The following MGAT5B variants were observed in gnomAD, a reference collection of about 807,000 sequenced individuals.
MGAT5B encodes the protein alpha-1,6-mannosylglycoprotein 6-beta-N-acetylglucosaminyltransferase B.
A neutral mutation model predicts 95.1 loss-of-function variants in MGAT5B; 54 were observed. The ratio of observed to expected loss-of-function variants is 0.57; its 90% CI spans 0.46 to 0.71. The LOEUF (loss-of-function observed/expected upper bound fraction) is 0.71, where lower values mean the gene tolerates loss of function less well. MGAT5B is among the 30% of genes least tolerant of loss of function. The pLI, the probability that MGAT5B is intolerant of heterozygous loss-of-function variation, is 0.00. For synonymous variants in MGAT5B, 464 were observed against 451.0 expected, an observed-to-expected ratio of 1.03 and a Z score of -0.36; for missense variants, 935 against 1,088.6, an observed-to-expected ratio of 0.86 and a Z score of 1.99.
chr17:76,916,015 G>A lies in MGAT5B; in HGVS notation c.1026-8951G>A, dbSNP rs975627190. Among the ~76,000 whole-genome samples, 60 of 152,226 alleles carry A rather than the reference G, an allele frequency of 3.9e-4. No homozygotes were observed. Among genetic ancestry groups the A allele is most frequent in the East Asian group, 9.6e-4 (5 of 5,184 alleles). ...AGGGGACAGAGAGGGAGCAGGCGCC[G>A]GCATGCCGAGTGTGGCGGGGTCACG... On this transcript the variant is annotated intron_variant, in intron 8 of 17. Transcript: ENST00000569840. This position sits in a 1 kb window ranked among gnomAD's most constrained non-coding sequence, Gnocchi z 5.3.
intron 8 of MGAT5B, among the ~76,000 whole-genome samples, chr17:76,909,258 C>T (rs560097135): frequency 2.6e-5 from 4 of 152,324 alleles, no homozygotes; most frequent in East Asian, 3.9e-4. Flanking sequence ...GCCATGTGCC[C>T]GGCCTACTCT....
intron 10 of MGAT5B, among the ~76,000 whole-genome samples, chr17:76,932,135 T>TTCTCC (rs372316491): frequency 3.6e-5 from 5 of 137,064 alleles, no homozygotes; most frequent in Non-Finnish European, 7.8e-5. Flanking sequence ...CTTCTCCTTC[T>TTCTCC]TTCTTCTTCT....
chr17:76,897,663 T>TTCTTTCTC (rs1968115857), intron 3 of MGAT5B, among the ~76,000 whole-genome samples: 1 of 48,184 alleles, frequency 2.1e-5, no homozygotes, highest in Non-Finnish European at 3.4e-5. Context: ...TAAGGCCACT[T>TTCTTTCTC]TCTTTCTTTC....
chr17:76,892,744 C>T (rs1020729303), intron 3 of MGAT5B, among the ~76,000 whole-genome samples: 9 of 152,244 alleles, frequency 5.9e-5, no homozygotes, highest in East Asian at 1.9e-4. Context: ...CTCCCAGCAA[C>T]GATATGGGAC....
At chr17:76,909,015 C>T (rs12449846) in intron 8 of MGAT5B, among the ~76,000 whole-genome samples, 27,369 of 151,974 alleles carry the variant, frequency 0.18, 2,815 homozygotes, top group East Asian at 0.51. Flanking sequence ...CCATATTGGT[C>T]ATGCTGGTCT....
chr17:76,888,752 G>A (rs1001687245), intron 3 of MGAT5B, among the ~76,000 whole-genome samples: 1 of 152,170 alleles, frequency 6.6e-6, no homozygotes, highest in Admixed American at 6.5e-5. Context: ...TGGGGCCTGC[G>A]AGGAAGTAGT....
At chr17:76,880,011 G>A (rs1397532246) in intron 2 of MGAT5B, among the ~76,000 whole-genome samples, 4 of 152,106 alleles carry the variant, frequency 2.6e-5, no homozygotes, top group African/African-American at 4.8e-5. Flanking sequence ...GAAATTTCCC[G>A]GTCCCAGCTG....
chr17:76,903,209 C>T (rs902362988), intron 4 of MGAT5B, 94 bp from the exon 5 acceptor site: 11 of 927,606 alleles, frequency 1.2e-5, no homozygotes, highest in African/African-American at 8.5e-5. Context: ...AGCCTGGCAG[C>T]GGATTGTGTG....
intron 17 of MGAT5B, 88 bp downstream of exon 17, chr17:76,948,174 C>T: frequency 6.7e-7 from 1 of 1,485,200 alleles, no homozygotes; most frequent in East Asian, 2.3e-5. Context: ...AGAACCGGCC[C>T]TCAGCCCTGC....
Position 76,930,703 on chromosome 17 carries a change from G to A in MGAT5B, c.1292-1942G>A, listed in dbSNP as rs1267997664. 1.3e-5 allele frequency among the ~76,000 whole-genome samples: 2 copies of A among 152,350 alleles called. No homozygotes were observed. The highest frequency in any genetic ancestry group is 1.9e-4 in the East Asian group (1 of 5,182). ...ATCAAACATGTTCCCTGGCCTTGGT[G>A]TGTAGGAGGGTGTGTGTCCTTATGG... On this transcript the variant is annotated intron_variant, in intron 10 of 17. Coordinates refer to ENST00000569840, the MANE Select transcript of MGAT5B (RefSeq NM_001199172.2). The surrounding 1 kb of genome is among the most constrained non-coding windows in gnomAD (Gnocchi z 4.1).
In MGAT5B at chr17:76,904,320, C is replaced by T. The variant is rs2145190892; in HGVS notation, c.588C>T (p.Ser196=). 14 of 1,609,054 alleles carry T rather than the reference C, an allele frequency of 8.7e-6. No individual in the cohort carries two copies. Among genetic ancestry groups the T allele is most frequent in the Non-Finnish European group, 1.2e-5 (14 of 1,178,070 alleles). Residue 196 remains serine (S), a synonymous_variant, in exon 6 of 18, where the codon TCC becomes TCT. Transcript: ENST00000569840. Reference sequence around the variant, plus strand: ...TTGGGGTGGACGGCACCGAGTGCTCCTTCCTCATCTACCTCAGTGAGGTCG... The same window carrying T: ...TTGGGGTGGACGGCACCGAGTGCTCTTTCCTCATCTACCTCAGTGAGGTCG... ...AFFGVDGTEC[S]FLIYLSEVEW...
Position 76,946,651 on chromosome 17 carries a change from A to G in MGAT5B, c.1923+201A>G, listed in dbSNP as rs1006485717. The stretch of plus-strand genomic sequence containing the variant: ...TGACTGCGGGCCTGGAAAGCAGCAC[A>G]CTCCGGGCACTCCTGCTGTCTGGGC... On this transcript the variant is annotated intron_variant, in intron 16 of 17. Coordinates refer to ENST00000569840, the MANE Select transcript of MGAT5B (RefSeq NM_001199172.2). Among the ~76,000 whole-genome samples, 5 of 152,270 alleles carry G rather than the reference A, an allele frequency of 3.3e-5. No homozygotes were observed. In the East Asian group the frequency reaches 9.7e-4, roughly 29 times the overall value.
intron 3 of MGAT5B, among the ~76,000 whole-genome samples, chr17:76,902,339 C>T (rs1030224022): frequency 2.6e-5 from 4 of 152,176 alleles, no homozygotes; most frequent in African/African-American, 9.7e-5. Context: ...TGGGCTTTCC[C>T]GTATGTCTGT....
At chr17:76,902,911 C>T (rs1399408045) in intron 4 of MGAT5B, among the ~76,000 whole-genome samples, 1 of 152,184 alleles carries the variant, frequency 6.6e-6, no homozygotes, top group Non-Finnish European at 1.5e-5. Flanking sequence ...CTGGGGTCCA[C>T]AGTTCCAGGA....
intron 3 of MGAT5B, among the ~76,000 whole-genome samples, chr17:76,892,776 C>G (rs1180112669): frequency 6.6e-6 from 1 of 152,194 alleles, no homozygotes; most frequent in Non-Finnish European, 1.5e-5. Context: ...GTGTTGCCAG[C>G]CTTGGTGCCC....
At chr17:76,933,225 T>C in intron 11 of MGAT5B, 67 bp from the exon 12 acceptor site, 1 of 1,595,220 alleles carries the variant, frequency 6.3e-7, no homozygotes. Context: ...TGGGGTGTTG[T>C]CTGCGAATCA....
Position 76,868,938 on chromosome 17 carries a change from C to G in MGAT5B, c.-92C>G. 7.6e-7 allele frequency: 1 copy of G among 1,307,518 alleles called. No homozygotes were observed. Among genetic ancestry groups the G allele is most frequent in the Admixed American group, 1.8e-5 (1 of 54,876 alleles). The allele number at this position is 1,307,518 out of a possible 1,614,324, so 81.0% of individuals were successfully genotyped here. On this transcript the variant is annotated 5_prime_UTR_variant, in exon 1 of 18. Coordinates refer to ENST00000569840, the MANE Select transcript of MGAT5B (RefSeq NM_001199172.2). The surrounding 1 kb of genome is among the most constrained non-coding windows in gnomAD (Gnocchi z 6.3). ...TTCGCTCGGACGCGGCTTCGGCCCGCAGAGGGTTCGTGGCCCGGACGCGGC... is the reference window on the plus strand; with the variant it reads ...TTCGCTCGGACGCGGCTTCGGCCCGGAGAGGGTTCGTGGCCCGGACGCGGC...
intron 12 of MGAT5B, among the ~76,000 whole-genome samples, chr17:76,937,433 G>A (rs1310510369): frequency 6.6e-6 from 1 of 152,024 alleles, no homozygotes; most frequent in East Asian, 1.9e-4. Flanking sequence ...TGGATGGGTG[G>A]ATGTTTGAGA....
At chr17:76,897,703 TTCTTTCTTTCTTTCTTTCTTTC>T (rs1567800234) in intron 3 of MGAT5B, among the ~76,000 whole-genome samples, 2 of 112,924 alleles carry the variant, frequency 1.8e-5, no homozygotes, top group African/African-American at 9.2e-5. Context: ...CTTTCTTTCT[TTCTTTCTTTCTTTCTTTCTTTC>T]TTTTTCTTTT....
Sources: allele counts gnomAD v4.1 joint callset (sites outside exome capture counted in the v4.1 genomes callset), GRCh38; gene constraint gnomAD v4.1.1; non-coding constraint Gnocchi (gnomAD v3.1); transcripts MANE v1.5; gene names NCBI Gene and HGNC (gene_info 2026-07-23, HGNC 2026-07-21).